The following CAMK2D variants were observed in gnomAD, a reference collection of about 807,000 sequenced individuals.
CAMK2D encodes the protein calcium/calmodulin dependent protein kinase II delta, also known as calcium/calmodulin-dependent protein kinase type II subunit delta.
In CAMK2D, 37 loss-of-function variants were observed where a neutral mutation model predicts 84.0. The ratio of observed to expected loss-of-function variants is 0.44; its 90% confidence interval spans 0.34 to 0.58. The LOEUF (loss-of-function observed/expected upper bound fraction) is 0.58, where lower values mean the gene tolerates loss of function less well. Ranked by LOEUF, CAMK2D falls within the 20% of genes least tolerant of loss-of-function variation. The pLI is 0.02. For synonymous variants in CAMK2D, 202 were observed against 212.5 expected (o/e 0.95, Z 0.43); for missense variants, 448 against 652.5 (o/e 0.69, Z 3.41).
rs192423221 is a variant in CAMK2D at position 113,529,408 on chromosome 4, G to C, written c.601+1808C>G. ...AAAATTATTTTCAGAATCAAGTAAAGTTTTTTAAATCAACTTTTCCAAGCT... is the reference window on the plus strand; with the variant it reads ...AAAATTATTTTCAGAATCAAGTAAACTTTTTTAAATCAACTTTTCCAAGCT... On this transcript the variant is annotated intron_variant, in intron 8 of 20. Transcript: ENST00000511664. Among the ~76,000 whole-genome samples, 250 of 152,218 alleles carry C rather than the reference G, an allele frequency of 1.6e-3. 1 individual carries two copies. Among genetic ancestry groups the C allele is most frequent in the African/African-American group, 5.9e-3 (244 of 41,558 alleles).
intron 6 of CAMK2D, among the ~76,000 whole-genome samples, chr4:113,541,206 G>A (rs74999138): frequency 0.028 from 4,290 of 152,152 alleles, 161 homozygotes; most frequent in African/African-American, 0.097. Flanking sequence ...AAACCTTTCC[G>A]TTTCTACATG....
chr4:113,645,783 A>G (rs2099149470), intron 3 of CAMK2D, among the ~76,000 whole-genome samples: 1 of 152,100 alleles, frequency 6.6e-6, no homozygotes, highest in African/African-American at 2.4e-5. Context: ...AATGCTCCCG[A>G]GGAAGGTAAG....
At chr4:113,602,962 G>A (rs1439669946) in intron 4 of CAMK2D, among the ~76,000 whole-genome samples, 1 of 152,158 alleles carries the variant, frequency 6.6e-6, no homozygotes, top group African/African-American at 2.4e-5. Flanking sequence ...AACTTGATCT[G>A]TGATCTGCCT....
intron 2 of CAMK2D, among the ~76,000 whole-genome samples, chr4:113,718,795 T>A (rs1346718165): frequency 1.3e-5 from 2 of 152,228 alleles, no homozygotes; most frequent in African/African-American, 2.4e-5. Flanking sequence ...CCAATCTTTT[T>A]CACTGTAATA....
In CAMK2D at chr4:113,761,202, C is replaced by G. The variant is rs184275170; in HGVS notation, c.-134G>C. 493 of 1,556,216 alleles carry G rather than the reference C, an allele frequency of 3.2e-4. 1 individual carries two copies. In the African/African-American group the frequency reaches 6.0e-3, roughly 19 times the overall value. On this transcript the variant is annotated 5_prime_UTR_variant, in exon 1 of 21. Coordinates refer to ENST00000511664, the MANE Select transcript of CAMK2D (RefSeq NM_001321571.2). ...ACTTTCCTGGTCCGAAAGTAGCTCGCCCGCGAGGGAGTGTGCGCAGGGGCG... is the reference window on the plus strand; with the variant it reads ...ACTTTCCTGGTCCGAAAGTAGCTCGGCCGCGAGGGAGTGTGCGCAGGGGCG...
intron 6 of CAMK2D, among the ~76,000 whole-genome samples, chr4:113,547,222 A>G (rs1379568934): frequency 6.6e-6 from 1 of 152,190 alleles, no homozygotes; most frequent in African/African-American, 2.4e-5. Context: ...AACTTCACCT[A>G]ATAACTTTAT....
At chr4:113,552,333 T>C (rs2098634898) in intron 4 of CAMK2D, among the ~76,000 whole-genome samples, 1 of 152,190 alleles carries the variant, frequency 6.6e-6, no homozygotes, top group Admixed American at 6.5e-5. Context: ...GCCATAAATA[T>C]AGTAGGCAAT....
At chr4:113,482,623 T>C (rs2097714551) in intron 16 of CAMK2D, among the ~76,000 whole-genome samples, 2 of 152,196 alleles carry the variant, frequency 1.3e-5, no homozygotes, top group Non-Finnish European at 2.9e-5. Context: ...TATAACTTAA[T>C]CTATAACTTA....
At chr4:113,743,294 C>A (rs2099596929) in intron 2 of CAMK2D, among the ~76,000 whole-genome samples, 1 of 152,126 alleles carries the variant, frequency 6.6e-6, no homozygotes, top group Non-Finnish European at 1.5e-5. Flanking sequence ...TTAATGTAAA[C>A]AAAAGATACC....
intron 2 of CAMK2D, among the ~76,000 whole-genome samples, chr4:113,708,876 C>T (rs184466158): frequency 9.2e-5 from 14 of 152,162 alleles, no homozygotes; most frequent in African/African-American, 3.1e-4. Flanking sequence ...AGGCATGCAC[C>T]ATGTCTGGCT....
chr4:113,465,438 T>C, intron 17 of CAMK2D, 91 bp downstream of exon 17: 1 of 767,862 alleles, frequency 1.3e-6, no homozygotes, highest in Non-Finnish European at 2.2e-6. Flanking sequence ...TTGAATTAAA[T>C]ATATGTGAAT....
chr4:113,529,216 C>G lies in CAMK2D; in HGVS notation c.601+2000G>C, dbSNP rs1378585882. 2.6e-5 allele frequency among the ~76,000 whole-genome samples: 4 copies of G among 152,294 alleles called. No individual in the cohort carries two copies. The South Asian group carries it at 8.3e-4, about 32-fold the overall frequency. On this transcript the variant is annotated intron_variant, in intron 8 of 20. Transcript: ENST00000511664. ...TAGTGCCCTATTTTACCACTGCCTT[C>G]CCAGGCATGGAGGTAACTCTGAAAG...
chr4:113,488,385 A>C (rs2097786577), intron 16 of CAMK2D, among the ~76,000 whole-genome samples: 1 of 152,150 alleles, frequency 6.6e-6, no homozygotes, highest in Non-Finnish European at 1.5e-5. Flanking sequence ...TGGAGGTTGC[A>C]ATTTTTTGAA....
intron 9 of CAMK2D, 122 bp from the exon 10 acceptor site, chr4:113,515,313 TAA>T (rs1156778286): frequency 1.6e-6 from 1 of 615,418 alleles, no homozygotes; most frequent in Non-Finnish European, 2.7e-6. Flanking sequence ...ACTTTTTATA[TAA>T]GTTAAGTTGT....
At chr4:113,732,049 G>C (rs1016517727) in intron 2 of CAMK2D, among the ~76,000 whole-genome samples, 1 of 151,920 alleles carries the variant, frequency 6.6e-6, no homozygotes, top group African/African-American at 2.4e-5. Flanking sequence ...CCTTTGGGCC[G>C]GGGTTTCTCA....
chr4:113,511,668 A>G (rs1181851173), intron 12 of CAMK2D, among the ~76,000 whole-genome samples: 1 of 152,238 alleles, frequency 6.6e-6, no homozygotes, highest in Non-Finnish European at 1.5e-5. Flanking sequence ...CATTGAACTC[A>G]CCCATATAAA....
At chr4:113,664,897 G>A (rs777029121) in intron 2 of CAMK2D, among the ~76,000 whole-genome samples, 5 of 150,756 alleles carry the variant, frequency 3.3e-5, no homozygotes, top group Admixed American at 6.6e-5. Context: ...TCCACCCCCC[G>A]GGTTCAAGCA....
rs533638769 is a variant in CAMK2D, at chr4:113,672,176, C to T, written c.161-10404G>A. Among the ~76,000 whole-genome samples, 6 of 152,182 alleles carry T rather than the reference C, an allele frequency of 3.9e-5. No homozygotes were observed. The South Asian group carries it at 1.2e-3, about 32-fold the overall frequency. On this transcript the variant is annotated intron_variant, in intron 2 of 20. Coordinates refer to ENST00000511664, the MANE Select transcript of CAMK2D (RefSeq NM_001321571.2). ...AGTGAATAGAATCTCATTTATACTG[C>T]TAAAACTAGTCATTAAAATCCCATA...
rs755850795 is a variant in CAMK2D at position 113,601,683 on chromosome 4, C to CTTTTTTTTTTTTTTTTTTTTTTT, written c.275+7446_275+7468dup. Among the ~76,000 whole-genome samples the CTTTTTTTTTTTTTTTTTTTTTTT allele has an allele frequency of 9.4e-4, 43 of 45,836 alleles. 6 individuals are homozygous for CTTTTTTTTTTTTTTTTTTTTTTT. Among genetic ancestry groups the CTTTTTTTTTTTTTTTTTTTTTTT allele is most frequent in the African/African-American group, 1.3e-3 (14 of 10,490 alleles). The allele number at this position is 45,836 out of a possible 152,430, so 30.1% of individuals were successfully genotyped here. On this transcript the variant is annotated intron_variant, in intron 4 of 20. Coordinates refer to ENST00000511664, the MANE Select transcript of CAMK2D (RefSeq NM_001321571.2). The stretch of plus-strand genomic sequence containing the variant: ...ATTTTATGTAGATTAACTGTTTATT[C>CTTTTTTTTTTTTTTTTTTTTTTT]TTTTTTTTTTTTTTTTTTTTTTTTT...
Sources: gnomAD v4.1 joint callset for allele counts (sites outside exome capture counted in the v4.1 genomes callset) on GRCh38, gnomAD v4.1.1 for gene constraint, MANE v1.5 for transcripts, NCBI Gene and HGNC (gene_info 2026-07-23, HGNC 2026-07-21) for gene names.